Variants in CCT4 observed in about 807,000 individuals in gnomAD.
CCT4 encodes the protein T-complex protein 1 subunit delta.
A neutral mutation model predicts 62.5 loss-of-function variants in CCT4; 17 were observed. That is an observed-to-expected ratio of 0.27 (90% confidence interval 0.19 to 0.41). CCT4 has a LOEUF of 0.41. Ranked by LOEUF, CCT4 falls within the 10% of genes least tolerant of loss-of-function variation. CCT4 has a pLI of 1.00. For synonymous variants in CCT4, 250 were observed against 229.9 expected (o/e 1.09, Z -0.79); for missense variants, 592 against 659.2 (o/e 0.90, Z 1.12).
intron 13 of CCT4, 116 bp from the exon 14 acceptor site, chr2:61,868,822 T>A (rs1668825864): frequency 1.3e-6 from 1 of 758,628 alleles, no homozygotes; most frequent in East Asian, 2.5e-5. Flanking sequence ...GTCACCTTGA[T>A]GACTAGCAAA....
chr2:61,873,575 T>C (rs1405706167), intron 8 of CCT4, among the ~76,000 whole-genome samples: 2 of 152,170 alleles, frequency 1.3e-5, no homozygotes, highest in Admixed American at 6.6e-5. Flanking sequence ...TTTATTTTTA[T>C]TTTTTTGAGA....
At chr2:61,886,948 G>A (rs1374084198) in intron 1 of CCT4, among the ~76,000 whole-genome samples, 56 of 151,960 alleles carry the variant, frequency 3.7e-4, no homozygotes, top group East Asian at 1.9e-4. Context: ...TAGTAGAGAC[G>A]GGGTTTCTCC....
intron 6 of CCT4, 85 bp downstream of exon 6, chr2:61,877,308 C>G: frequency 7.6e-7 from 1 of 1,321,292 alleles, no homozygotes; most frequent in Non-Finnish European, 1.1e-6. Flanking sequence ...AGCTTTGTGA[C>G]TTTCATCTAG....
At chr2:61,885,407 C>T (rs1669228208) in intron 1 of CCT4, among the ~76,000 whole-genome samples, 2 of 151,774 alleles carry the variant, frequency 1.3e-5, no homozygotes, top group Non-Finnish European at 2.9e-5. Context: ...TCAACGTACA[C>T]AGTATTATTA....
intron 10 of CCT4, among the ~76,000 whole-genome samples, 167 bp from the exon 11 acceptor site, chr2:61,872,755 G>A (rs998164552): frequency 3.3e-5 from 5 of 152,162 alleles, no homozygotes; most frequent in Non-Finnish European, 5.9e-5. Flanking sequence ...GTGAAACCCC[G>A]TCTCTACTAA....
At chr2:61,879,853 C>G (rs1377151794) in intron 4 of CCT4, among the ~76,000 whole-genome samples, 1 of 151,940 alleles carries the variant, frequency 6.6e-6, no homozygotes, top group Non-Finnish European at 1.5e-5. Flanking sequence ...AGTGATTCTC[C>G]TGCCTTAGCT....
rs774545962 is a variant in CCT4 at position 61,872,469 on chromosome 2, T to C, written c.1245A>G (p.Leu415=). 2 of 1,612,688 alleles carry C rather than the reference T, an allele frequency of 1.2e-6. No homozygotes were observed. The highest frequency in any genetic ancestry group is 4.5e-5 in the East Asian group (2 of 44,840). ...IHDALCVIRC[L]VKKRALIAGG... is the part of the protein sequence containing the mutation. ...AACACTGACATTACCTCTTCTTCAC[T>C]AAACAACGAATAACACATAGGGCAT... Residue 415 remains leucine (L), a synonymous_variant, in exon 11 of 14, where the codon TTA becomes TTG. Transcript: ENST00000394440.
chr2:61,882,090 G>A (rs889248800), intron 3 of CCT4, among the ~76,000 whole-genome samples: 13 of 151,886 alleles, frequency 8.6e-5, no homozygotes, highest in African/African-American at 1.9e-4. Context: ...GCACCACCAC[G>A]CCCAGCTGAT....
chr2:61,879,792 G>C (rs891191047), intron 4 of CCT4, among the ~76,000 whole-genome samples: 50 of 151,306 alleles, frequency 3.3e-4, no homozygotes, highest in Non-Finnish European at 5.6e-4. Flanking sequence ...GCCCAGGCTG[G>C]ACTGCAATGG....
chr2:61,886,158 AC>A (rs1049869614), intron 1 of CCT4: 6 of 152,346 alleles, frequency 3.9e-5, no homozygotes, highest in African/African-American at 1.4e-4. Context: ...CACTTGTAAT[AC>A]CAGCACTTTG....
At chr2:61,882,707 C>T (rs539787832) in intron 3 of CCT4, among the ~76,000 whole-genome samples, 13 of 152,212 alleles carry the variant, frequency 8.5e-5, no homozygotes, top group Admixed American at 7.2e-4. Flanking sequence ...GACAAGGTCT[C>T]GCCATGTTGG....
At chr2:61,881,782 G>A (rs1014949285) in intron 3 of CCT4, among the ~76,000 whole-genome samples, 16 of 151,450 alleles carry the variant, frequency 1.1e-4, no homozygotes, top group African/African-American at 3.9e-4. Context: ...AACATGCTGT[G>A]GTATACTGTT....
In CCT4 at chr2:61,872,111, C is replaced by T; in HGVS notation, c.1462G>A (p.Glu488Lys). Residue 488 changes from glutamate to lysine, a missense_variant, in exon 12 of 14, where the codon GAA (glutamate) becomes AAA (lysine). By Grantham distance (56) the Glu-to-Lys change is moderately conservative. Transcript: ENST00000394440. The stretch of plus-strand genomic sequence containing the variant: ...CGGACATTAATGCCTGCAGTTTTTT[C>T]TCCCTGGGCATGCCGGTTTCTTAGT... ...TELRNRHAQG[E>K]KTAGINVRKG... 1 of 1,613,120 alleles carries T rather than the reference C, an allele frequency of 6.2e-7. No individual in the cohort carries two copies. Among genetic ancestry groups the T allele is most frequent in the Non-Finnish European group, 8.5e-7 (1 of 1,179,574 alleles).
intron 1 of CCT4, chr2:61,887,993 T>C (rs1205255026): frequency 5.9e-6 from 1 of 169,474 alleles, no homozygotes; most frequent in Non-Finnish European, 1.3e-5. Context: ...TAAATAAGAA[T>C]AACAAAGCTG....
rs1195242461 is a variant in CCT4, at chr2:61,885,083, G to C, written c.128-11C>G. On this transcript the variant is annotated splice_polypyrimidine_tract_variant and intron_variant, in intron 1 of 13. Coordinates refer to ENST00000394440, the MANE Select transcript of CCT4 (RefSeq NM_006430.4). ...TAGCATCAGCAACCGCTGCAGATGGGGGGGAAAAAAAAGAAAACAAATTAG... is the reference window on the plus strand; with the variant it reads ...TAGCATCAGCAACCGCTGCAGATGGCGGGGAAAAAAAAGAAAACAAATTAG... The C allele has an allele frequency of 6.8e-7, 1 of 1,463,328 alleles. No individual in the cohort carries two copies. Among genetic ancestry groups the C allele is most frequent in the African/African-American group, 2.0e-5 (1 of 49,634 alleles). The allele number at this position is 1,463,328 out of a possible 1,614,324, so 90.6% of individuals were successfully genotyped here.
At chr2:61,880,024 G>A (rs1375613576) in intron 4 of CCT4, among the ~76,000 whole-genome samples, 1 of 152,156 alleles carries the variant, frequency 6.6e-6, no homozygotes, top group East Asian at 1.9e-4. Context: ...CACCACGCCC[G>A]GCCTCTACCA....
chr2:61,871,707 T>C (rs1050090729), intron 12 of CCT4, among the ~76,000 whole-genome samples: 1 of 152,258 alleles, frequency 6.6e-6, no homozygotes, highest in Non-Finnish European at 1.5e-5. Flanking sequence ...TGATTTTTTA[T>C]ACAGTCTTTA....
intron 5 of CCT4, 52 bp from the exon 6 acceptor site, chr2:61,877,566 TA>T: frequency 7.3e-7 from 1 of 1,375,342 alleles, no homozygotes; most frequent in Non-Finnish European, 9.8e-7. Flanking sequence ...AAAAAAGTCC[TA>T]ATTTTTCAAT....
At chr2:61,880,918 C>G (rs754055112) in intron 3 of CCT4, among the ~76,000 whole-genome samples, 1 of 151,860 alleles carries the variant, frequency 6.6e-6, no homozygotes, top group Admixed American at 6.6e-5. Flanking sequence ...AGAGACGGGG[C>G]CCCATTATGT....
Sources: gnomAD v4.1 joint callset for allele counts (sites outside exome capture counted in the v4.1 genomes callset) on GRCh38, gnomAD v4.1.1 for gene constraint, MANE v1.5 for transcripts, NCBI Gene and HGNC (gene_info 2026-07-23, HGNC 2026-07-21) for gene names.